SHANK2: variants seen among roughly 807,000 people sequenced by gnomAD.
The protein encoded by SHANK2 is SH3 and multiple ankyrin repeat domains 2, also known as SH3 and multiple ankyrin repeat domains protein 2.
Under a neutral mutation model 133.7 loss-of-function variants are expected in SHANK2, and 43 were observed. That is an observed-to-expected ratio of 0.32 (90% CI 0.25 to 0.41). The LOEUF (loss-of-function observed/expected upper bound fraction) is 0.41, where lower values mean the gene tolerates loss of function less well. Among genes scored for constraint, SHANK2 ranks in the 10% least tolerant of loss-of-function variants. The pLI is 1.00. For missense variants in SHANK2, 1,994 were observed against 2,235.8 expected, an observed-to-expected ratio of 0.89 and a Z score of 2.18; for synonymous variants, 1,017 against 952.8, an observed-to-expected ratio of 1.07 and a Z score of -1.24.
chr11:70,919,021 G>GGGT (rs1398040664), intron 10 of SHANK2, among the ~76,000 whole-genome samples: 4 of 151,922 alleles, frequency 2.6e-5, no homozygotes, highest in African/African-American at 9.7e-5. Context: ...AAAATGTACC[G>GGGT]GGTGTGGTGG....
intron 2 of SHANK2, among the ~76,000 whole-genome samples, chr11:71,203,964 G>C (rs1032301572): frequency 7.9e-5 from 12 of 152,154 alleles, no homozygotes; most frequent in Admixed American, 3.3e-4. Context: ...GCGGGCGCCT[G>C]GTCTCTCCTG....
intron 17 of SHANK2, among the ~76,000 whole-genome samples, chr11:70,609,490 A>G (rs1397772192): frequency 7.9e-5 from 12 of 152,194 alleles, no homozygotes; most frequent in Non-Finnish European, 1.8e-4. Context: ...GGCAAAAACA[A>G]GCACGCACAG....
chr11:70,922,966 A>C (rs192910349), intron 10 of SHANK2, among the ~76,000 whole-genome samples: 6 of 152,340 alleles, frequency 3.9e-5, no homozygotes, highest in African/African-American at 1.4e-4. Flanking sequence ...ATTTGAAAAA[A>C]AAATCCACAC....
chr11:70,532,392 A>G (rs1408941577), intron 17 of SHANK2, among the ~76,000 whole-genome samples: 1 of 152,120 alleles, frequency 6.6e-6, no homozygotes, highest in African/African-American at 2.4e-5. Context: ...GCCTGCCTAG[A>G]GTGGGGGGCC....
intron 7 of SHANK2, among the ~76,000 whole-genome samples, chr11:71,092,924 C>A (rs1027157001): frequency 2.6e-5 from 4 of 152,002 alleles, no homozygotes; most frequent in Non-Finnish European, 4.4e-5. Context: ...TGTCTGTAAT[C>A]CCAGCTACTT....
intron 17 of SHANK2, among the ~76,000 whole-genome samples, chr11:70,651,277 C>T (rs1416951779): frequency 1.3e-5 from 2 of 152,162 alleles, no homozygotes; most frequent in African/African-American, 2.4e-5. Context: ...CAAATTAGAA[C>T]CCCAAAATGA....
At chr11:70,867,035 G>A (rs1294014536) in intron 11 of SHANK2, among the ~76,000 whole-genome samples, 1 of 151,494 alleles carries the variant, frequency 6.6e-6, no homozygotes, top group East Asian at 2.0e-4. Flanking sequence ...CGAATGATAT[G>A]CCGTGGACAC....
At chr11:70,526,949 C>G (rs555582268) in intron 17 of SHANK2, among the ~76,000 whole-genome samples, 25 of 79,406 alleles carry the variant, frequency 3.1e-4, no homozygotes, top group African/African-American at 7.0e-4. Context: ...GTCCTCGTCT[C>G]AGAGGTATGC....
intron 6 of SHANK2, among the ~76,000 whole-genome samples, chr11:71,105,411 G>A (rs1473263264): frequency 6.6e-6 from 1 of 151,816 alleles, no homozygotes; most frequent in African/African-American, 2.4e-5. Context: ...TAGCCAACAT[G>A]GTGAAACCCC....
At chr11:71,142,011 C>G (rs1590952277) in intron 3 of SHANK2, among the ~76,000 whole-genome samples, 1 of 151,936 alleles carries the variant, frequency 6.6e-6, no homozygotes, top group African/African-American at 2.4e-5. Flanking sequence ...GAAAAGCCCC[C>G]GAGAATGCTT....
chr11:70,867,087 A>G (rs1949374577), intron 11 of SHANK2, among the ~76,000 whole-genome samples: 1 of 151,112 alleles, frequency 6.6e-6, no homozygotes, highest in Admixed American at 6.6e-5. Flanking sequence ...CTCGTAGCCC[A>G]GAGGGATTTG....
intron 14 of SHANK2, among the ~76,000 whole-genome samples, chr11:70,776,190 G>A (rs1555043873): frequency 6.6e-6 from 1 of 152,162 alleles, no homozygotes; most frequent in Admixed American, 6.5e-5. Flanking sequence ...ACCTTTTCAG[G>A]GCATGACAAC....
intron 17 of SHANK2, among the ~76,000 whole-genome samples, chr11:70,581,942 G>A (rs910525332): frequency 1.4e-4 from 21 of 152,238 alleles, no homozygotes; most frequent in Admixed American, 5.9e-4. Flanking sequence ...GGGCACACGA[G>A]GGTTGGGGCC....
intron 17 of SHANK2, among the ~76,000 whole-genome samples, chr11:70,543,489 C>G (rs1413200552): frequency 2.0e-5 from 3 of 152,202 alleles, no homozygotes; most frequent in Non-Finnish European, 4.4e-5. Context: ...TGTAATGAAA[C>G]TTCCATAAAA....
chr11:70,948,423 C>T (rs1950786019), intron 10 of SHANK2: 1 of 455,774 alleles, frequency 2.2e-6, no homozygotes, highest in African/African-American at 2.0e-5. Context: ...AATTCGATCC[C>T]TGATTACTTT....
intron 14 of SHANK2, among the ~76,000 whole-genome samples, chr11:70,707,396 A>G (rs10899395): frequency 0.16 from 15,898 of 99,042 alleles, 1,047 homozygotes; most frequent in Non-Finnish European, 0.24. Context: ...AAAAAAAAAA[A>G]AGAGAGAGAG....
chr11:70,511,043 T>C (rs782212420), intron 17 of SHANK2, among the ~76,000 whole-genome samples: 3 of 152,354 alleles, frequency 2.0e-5, no homozygotes, highest in Middle Eastern at 3.4e-3. Flanking sequence ...AGGACAAAGC[T>C]GTGCGTCGTG....
At chr11:70,910,435 G>A (rs1365566569) in intron 10 of SHANK2, among the ~76,000 whole-genome samples, 4 of 152,176 alleles carry the variant, frequency 2.6e-5, no homozygotes, top group Admixed American at 2.6e-4. Context: ...GTCACAGATG[G>A]ACACACAGGA....
At chr11:70,817,325 A>C (rs111551652) in intron 12 of SHANK2, among the ~76,000 whole-genome samples, 8 of 152,310 alleles carry the variant, frequency 5.3e-5, no homozygotes, top group African/African-American at 1.9e-4. Flanking sequence ...TATTGCTACC[A>C]TTGAGGATGC....
Sources: gnomAD v4.1 joint callset for allele counts (sites outside exome capture counted in the v4.1 genomes callset) on GRCh38, gnomAD v4.1.1 for gene constraint, MANE v1.5 for transcripts, NCBI Gene and HGNC (gene_info 2026-07-23, HGNC 2026-07-21) for gene names.